Variants in MARCO observed in about 807,000 individuals in gnomAD.
MARCO encodes the protein macrophage receptor with collagenous structure, also known as macrophage receptor MARCO.
MARCO carries 72 observed loss-of-function variants against 70.0 expected under a neutral mutation model. The observed-to-expected ratio is 1.03, with a 90% CI of 0.85 to 1.25. The LOEUF (loss-of-function observed/expected upper bound fraction) is 1.25, where lower values mean the gene tolerates loss of function less well. MARCO is among the 50% of genes most tolerant of loss of function. MARCO has a pLI of 0.00. For missense variants in MARCO, 696 were observed against 659.3 expected (o/e 1.06, Z -0.61); for synonymous variants, 273 against 243.1 (o/e 1.12, Z -1.14).
At chr2:118,963,829 T>C (rs1679993986) in intron 1 of MARCO, among the ~76,000 whole-genome samples, 2 of 152,242 alleles carry the variant, frequency 1.3e-5, no homozygotes, top group East Asian at 1.9e-4. Flanking sequence ...ATCCGTCCTC[T>C]GATTTAGACC....
intron 1 of MARCO, among the ~76,000 whole-genome samples, chr2:118,942,634 A>G (rs1679526336): frequency 6.6e-6 from 1 of 152,158 alleles, no homozygotes; most frequent in Admixed American, 6.5e-5. Context: ...TGTTTTAATC[A>G]TATTTAAATA....
At chr2:118,951,091 C>A (rs1477377879) in intron 1 of MARCO, among the ~76,000 whole-genome samples, 2 of 152,190 alleles carry the variant, frequency 1.3e-5, no homozygotes, top group Non-Finnish European at 2.9e-5. Context: ...CAGCTCCCAC[C>A]TTTGAGCAGA....
intron 1 of MARCO, among the ~76,000 whole-genome samples, chr2:118,947,651 T>G (rs1212946330): frequency 6.6e-6 from 1 of 152,236 alleles, no homozygotes; most frequent in Non-Finnish European, 1.5e-5. Flanking sequence ...GGTAAATTTG[T>G]GTGCATCTCA....
intron 1 of MARCO, among the ~76,000 whole-genome samples, chr2:118,962,253 AG>A (rs1679963237): frequency 6.6e-6 from 1 of 152,194 alleles, no homozygotes; most frequent in South Asian, 2.1e-4. Context: ...AATTCTGTGA[AG>A]AATGTCAGTG....
intron 15 of MARCO, chr2:118,992,871 G>A (rs937538722): frequency 4.1e-6 from 2 of 492,484 alleles, no homozygotes; most frequent in Non-Finnish European, 7.1e-6. Flanking sequence ...AAGACGTGGT[G>A]TATGCGATTT....
In MARCO at chr2:118,970,214, A is replaced by T. The variant is rs942575843; in HGVS notation, c.300A>T (p.Ala100=). The T allele has an allele frequency of 1.9e-6, 3 of 1,613,980 alleles. No homozygotes were observed. The highest frequency in any genetic ancestry group is 1.7e-6 in the Non-Finnish European group (2 of 1,180,022). ...DSPSFSLLQS[A]HPGEHLAQGA... ...CGTCCTTCTCCTTGCTGCAGTCAGC[A>T]CACCCTGGAGAACACCTGGCTCAGG... Residue 100 remains alanine, a synonymous_variant, in exon 3 of 17, where the codon GCA becomes GCT. Transcript: ENST00000327097.
intron 3 of MARCO, 22 bp downstream of exon 3, chr2:118,970,360 G>A: frequency 1.9e-6 from 3 of 1,565,916 alleles, no homozygotes; most frequent in Non-Finnish European, 2.6e-6. Flanking sequence ...TCCCCTCTGG[G>A]TCAGGACTTC....
chr2:118,987,432 C>A (rs17010160), intron 12 of MARCO, among the ~76,000 whole-genome samples: 2,718 of 152,250 alleles, frequency 0.018, 109 homozygotes, highest in South Asian at 0.12. Context: ...TAGAGTCCAG[C>A]GAGGCTTGGA....
chr2:118,960,306 G>C (rs1367696816), intron 1 of MARCO, among the ~76,000 whole-genome samples: 1 of 151,988 alleles, frequency 6.6e-6, no homozygotes, highest in East Asian at 1.9e-4. Flanking sequence ...TGTTGAATAA[G>C]AAGGCAAGAA....
chr2:118,994,186 A>G (rs1211677951), intron 16 of MARCO, among the ~76,000 whole-genome samples: 2 of 120,322 alleles, frequency 1.7e-5, no homozygotes, highest in East Asian at 4.2e-4. Context: ...AGGCAAAGTC[A>G]TTATAAAAAC....
At chr2:118,945,302 C>G (rs1215141777) in intron 1 of MARCO, among the ~76,000 whole-genome samples, 1 of 152,072 alleles carries the variant, frequency 6.6e-6, no homozygotes, top group African/African-American at 2.4e-5. Flanking sequence ...TCCTGTCACA[C>G]TCCTGGCCGT....
intron 12 of MARCO, among the ~76,000 whole-genome samples, chr2:118,983,919 T>G (rs1680440041): frequency 6.6e-6 from 1 of 152,198 alleles, no homozygotes; most frequent in African/African-American, 2.4e-5. Flanking sequence ...AGCTTGTGTC[T>G]TCCACAGTCT....
chr2:118,990,268 C>A (rs922296817), intron 12 of MARCO, among the ~76,000 whole-genome samples: 1 of 152,128 alleles, frequency 6.6e-6, no homozygotes, highest in Non-Finnish European at 1.5e-5. Flanking sequence ...AATATAAATG[C>A]AACAGCAGGG....
At chr2:118,992,045 G>T (rs1378869267) in intron 14 of MARCO, among the ~76,000 whole-genome samples, 170 bp downstream of exon 14, 1 of 152,186 alleles carries the variant, frequency 6.6e-6, no homozygotes, top group Non-Finnish European at 1.5e-5. Context: ...CTTGCCCTAG[G>T]CATGGAGCAC....
chr2:118,957,230 GACCGTTA>G (rs1272240258), intron 1 of MARCO, among the ~76,000 whole-genome samples: 5 of 151,936 alleles, frequency 3.3e-5, no homozygotes, highest in African/African-American at 1.2e-4. Context: ...AAAATTGATA[GACCGTTA>G]ACAAGATAAA....
chr2:118,966,106 C>T (rs982517882), intron 1 of MARCO, among the ~76,000 whole-genome samples: 2 of 151,810 alleles, frequency 1.3e-5, no homozygotes, highest in African/African-American at 4.9e-5. Context: ...GCCTGCTACC[C>T]CAGGAGGTGG....
chr2:118,962,754 G>T (rs1679973802), intron 1 of MARCO, among the ~76,000 whole-genome samples: 1 of 151,922 alleles, frequency 6.6e-6, no homozygotes, highest in African/African-American at 2.4e-5. Context: ...TTTCTTTTCT[G>T]GGAGCTTTTA....
Position 118,974,506 on chromosome 2 carries a change from C to A in MARCO, c.569-15C>A. On this transcript the variant is annotated splice_polypyrimidine_tract_variant and intron_variant, in intron 5 of 16. Coordinates refer to ENST00000327097, the MANE Select transcript of MARCO (RefSeq NM_006770.4). ...TCCTTCTCTGGCTTCACTCTGAATT[C>A]CCTTTCCCTTCCAGGCCCCTCGGGA... is the stretch of plus-strand genomic sequence containing the variant. 6.2e-7 allele frequency: 1 copy of A among 1,613,910 alleles called. No homozygotes were observed.
intron 3 of MARCO, 141 bp downstream of exon 3, chr2:118,970,479 C>A: frequency 4.6e-6 from 3 of 653,846 alleles, no homozygotes; most frequent in Non-Finnish European, 8.0e-6. Flanking sequence ...CAGCTCAATG[C>A]CAAGTCTGAA....
Sources: allele counts gnomAD v4.1 joint callset (sites outside exome capture counted in the v4.1 genomes callset), GRCh38; gene constraint gnomAD v4.1.1; transcripts MANE v1.5; gene names NCBI Gene and HGNC (gene_info 2026-07-23, HGNC 2026-07-21).